Variants in PRKN observed in about 807,000 individuals in gnomAD.
PRKN encodes the protein E3 ubiquitin-protein ligase parkin.
Under a neutral mutation model 59.5 loss-of-function variants are expected in PRKN, and 56 were observed. That is an observed-to-expected ratio of 0.94 (90% confidence interval 0.76 to 1.18). The LOEUF (loss-of-function observed/expected upper bound fraction) is 1.18. PRKN is among the 50% of genes most tolerant of loss of function. PRKN has a pLI of 0.00. For synonymous variants in PRKN, 250 were observed against 222.1 expected (o/e 1.13, Z -1.12); for missense variants, 657 against 596.4 (o/e 1.10, Z -1.06).
intron 9 of PRKN, among the ~76,000 whole-genome samples, chr6:161,438,769 G>C (rs554723827): frequency 6.6e-6 from 1 of 152,120 alleles, no homozygotes; most frequent in Non-Finnish European, 1.5e-5. Context: ...TGATCATCCC[G>C]CATGTAGCTA....
At chr6:162,408,022 T>C (rs1164282753) in intron 2 of PRKN, among the ~76,000 whole-genome samples, 1 of 152,150 alleles carries the variant, frequency 6.6e-6, no homozygotes, top group African/African-American at 2.4e-5. Context: ...GATAATAAAT[T>C]AGCCACTATG....
chr6:162,438,335 GAA>G (rs1789883077), intron 2 of PRKN, among the ~76,000 whole-genome samples: 1 of 152,122 alleles, frequency 6.6e-6, no homozygotes, highest in African/African-American at 2.4e-5. Context: ...CTCAAGAGGA[GAA>G]AAACAGTGCA....
intron 4 of PRKN, among the ~76,000 whole-genome samples, chr6:162,104,299 C>T (rs1583037612): frequency 6.6e-6 from 1 of 152,204 alleles, no homozygotes; most frequent in South Asian, 2.1e-4. Flanking sequence ...ACACATTCCA[C>T]TGGTGTATTT....
chr6:161,758,191 T>C (rs1371999847), intron 7 of PRKN, among the ~76,000 whole-genome samples: 2 of 151,656 alleles, frequency 1.3e-5, no homozygotes, highest in African/African-American at 4.8e-5. Context: ...AAAAAGAAAC[T>C]CTAAAATATG....
intron 6 of PRKN, among the ~76,000 whole-genome samples, chr6:161,788,523 C>A (rs1790513891): frequency 1.3e-5 from 2 of 152,282 alleles, no homozygotes; most frequent in South Asian, 4.1e-4. Flanking sequence ...AAGAGTCCTA[C>A]TGAAAACTAA....
chr6:161,394,992 T>G lies in PRKN; in HGVS notation c.1084-8115A>C, dbSNP rs180820355. 2.2e-4 allele frequency among the ~76,000 whole-genome samples: 33 copies of G among 152,346 alleles called. 1 individual carries two copies. The East Asian group carries it at 6.0e-3, about 28-fold the overall frequency. On this transcript the variant is annotated intron_variant, in intron 9 of 11. Coordinates refer to ENST00000366898, the MANE Select transcript of PRKN (RefSeq NM_004562.3). ...TTAAGAGCGTTACTGAAATATCATT[T>G]GCAGAGTCATGGATTTTTAAAAAGT... is the stretch of plus-strand genomic sequence containing the variant.
At chr6:162,619,009 A>T (rs2803045) in intron 1 of PRKN, among the ~76,000 whole-genome samples, 1 of 152,138 alleles carries the variant, frequency 6.6e-6, no homozygotes, top group African/African-American at 2.4e-5. Context: ...ACCAATAAGG[A>T]TTGATTTACT....
At chr6:162,280,948 A>G (rs1427533072) in intron 2 of PRKN, among the ~76,000 whole-genome samples, 1 of 152,170 alleles carries the variant, frequency 6.6e-6, no homozygotes, top group African/African-American at 2.4e-5. Context: ...CTATGCAACC[A>G]TAAAAAAGAA....
chr6:161,883,598 A>G (rs1206285799), intron 6 of PRKN, among the ~76,000 whole-genome samples: 1 of 152,104 alleles, frequency 6.6e-6, no homozygotes, highest in Non-Finnish European at 1.5e-5. Context: ...ACTAGAAAAC[A>G]CAGACACAGC....
At chr6:161,614,067 G>T (rs1782599067) in intron 7 of PRKN, among the ~76,000 whole-genome samples, 1 of 152,170 alleles carries the variant, frequency 6.6e-6, no homozygotes, top group African/African-American at 2.4e-5. Context: ...CTCCCTGCCT[G>T]CTTCACAGCC....
intron 6 of PRKN, among the ~76,000 whole-genome samples, chr6:161,898,110 G>C (rs1777728854): frequency 6.6e-6 from 1 of 151,888 alleles, no homozygotes; most frequent in South Asian, 2.1e-4. Flanking sequence ...ATTTTCCATA[G>C]TAAAGCAAAA....
chr6:162,494,686 A>C (rs1792979957), intron 1 of PRKN, among the ~76,000 whole-genome samples: 1 of 152,230 alleles, frequency 6.6e-6, no homozygotes, highest in African/African-American at 2.4e-5. Flanking sequence ...GGGTGGTTTA[A>C]GGGAGATAGT....
intron 6 of PRKN, among the ~76,000 whole-genome samples, chr6:161,869,028 A>T (rs55797505): frequency 0.091 from 13,892 of 152,262 alleles, 835 homozygotes; most frequent in African/African-American, 0.16. Flanking sequence ...CTGGAACTAA[A>T]CCACATTTTC....
intron 2 of PRKN, among the ~76,000 whole-genome samples, chr6:162,322,272 T>TA (rs1783063736): frequency 6.6e-6 from 1 of 152,026 alleles, no homozygotes; most frequent in Non-Finnish European, 1.5e-5. Flanking sequence ...CTGAAAAGTA[T>TA]AAAACATTGC....
chr6:161,621,381 C>T (rs76605489), intron 7 of PRKN, among the ~76,000 whole-genome samples: 48 of 152,228 alleles, frequency 3.2e-4, no homozygotes, highest in African/African-American at 1.2e-3. Flanking sequence ...AATTCTCAGT[C>T]TGAGGCTGGT....
chr6:162,183,748 A>AGCTTTG (rs1364953390), intron 4 of PRKN, among the ~76,000 whole-genome samples: 10 of 152,292 alleles, frequency 6.6e-5, no homozygotes, highest in African/African-American at 2.4e-4. Context: ...AATAGCCATA[A>AGCTTTG]AACTTTACTA....
intron 1 of PRKN, among the ~76,000 whole-genome samples, chr6:162,461,120 T>A (rs1484969273): frequency 6.6e-6 from 1 of 151,952 alleles, no homozygotes; most frequent in Non-Finnish European, 1.5e-5. Flanking sequence ...GACAGAGATA[T>A]TACAACAGAA....
intron 7 of PRKN, among the ~76,000 whole-genome samples, chr6:161,736,047 C>T (rs541946830): frequency 6.6e-6 from 1 of 152,326 alleles, no homozygotes; most frequent in South Asian, 2.1e-4. Context: ...GCACATCCTT[C>T]CCTGGAATCA....
chr6:161,604,340 C>T (rs779838477), intron 7 of PRKN, among the ~76,000 whole-genome samples: 8 of 152,228 alleles, frequency 5.3e-5, no homozygotes, highest in East Asian at 1.9e-4. Context: ...TCAGCTAGAG[C>T]GGGTTTTCAA....
Sources: allele counts gnomAD v4.1 joint callset (sites outside exome capture counted in the v4.1 genomes callset), GRCh38; gene constraint gnomAD v4.1.1; transcripts MANE v1.5; gene names NCBI Gene and HGNC (gene_info 2026-07-23, HGNC 2026-07-21).